The following CACNA2D3 variants were observed in gnomAD, a reference collection of about 807,000 sequenced individuals.
CACNA2D3 encodes calcium voltage-gated channel auxiliary subunit alpha2delta 3.
CACNA2D3 carries 60 observed loss-of-function variants against 160.6 expected under a neutral mutation model. The ratio of observed to expected loss-of-function variants is 0.37; its 90% CI spans 0.30 to 0.46. CACNA2D3 has a LOEUF of 0.46. Among genes scored for constraint, CACNA2D3 ranks in the 20% least tolerant of loss-of-function variants. CACNA2D3 has a pLI of 1.00. For missense variants in CACNA2D3, 1,205 were observed against 1,365.0 expected, an observed-to-expected ratio of 0.88 and a Z score of 1.85; for synonymous variants, 558 against 492.9, an observed-to-expected ratio of 1.13 and a Z score of -1.75.
chr3:54,476,560 CA>C (rs1317346748), intron 4 of CACNA2D3, among the ~76,000 whole-genome samples: 1 of 152,026 alleles, frequency 6.6e-6, no homozygotes, highest in African/African-American at 2.4e-5. Context: ...CCCTCCATGC[CA>C]ACACTTGTTA....
At chr3:55,063,315 C>T (rs547504673) in intron 35 of CACNA2D3, among the ~76,000 whole-genome samples, 1 of 151,780 alleles carries the variant, frequency 6.6e-6, no homozygotes, top group African/African-American at 2.4e-5. Flanking sequence ...TAAGCATACT[C>T]AGCTTAAGAA....
intron 4 of CACNA2D3, among the ~76,000 whole-genome samples, chr3:54,485,805 C>T (rs1701006938): frequency 6.6e-6 from 1 of 152,146 alleles, no homozygotes; most frequent in African/African-American, 2.4e-5. Context: ...CTCAATTGAT[C>T]CACCTGCCTT....
intron 2 of CACNA2D3, among the ~76,000 whole-genome samples, chr3:54,280,964 G>A (rs1359454888): frequency 3.3e-5 from 5 of 152,140 alleles, no homozygotes; most frequent in Admixed American, 3.3e-4. Context: ...TCCTTTATGA[G>A]GCTGTGAACT....
At chr3:54,972,765 T>A (rs1225719322) in intron 29 of CACNA2D3, among the ~76,000 whole-genome samples, 1 of 152,218 alleles carries the variant, frequency 6.6e-6, no homozygotes, top group Non-Finnish European at 1.5e-5. Flanking sequence ...AGTCAGAACC[T>A]GAGCCATGTG....
At chr3:54,385,880 G>A in intron 3 of CACNA2D3, 1 of 496,612 alleles carries the variant, frequency 2.0e-6, no homozygotes, top group South Asian at 1.5e-5. Flanking sequence ...CTAAGATTTT[G>A]CTTTTAGTTT....
chr3:54,730,730 T>A (rs1701368634), intron 11 of CACNA2D3, among the ~76,000 whole-genome samples: 1 of 152,142 alleles, frequency 6.6e-6, no homozygotes, highest in African/African-American at 2.4e-5. Flanking sequence ...CTCGAACTTC[T>A]GACCTCAGGT....
rs375311164 is a variant in CACNA2D3, at chr3:54,605,629, T to G, written c.964-22158T>G. 5.9e-5 allele frequency among the ~76,000 whole-genome samples: 9 copies of G among 152,272 alleles called. 1 individual carries two copies. The highest frequency in any genetic ancestry group is 2.2e-4 in the African/African-American group (9 of 41,556). On this transcript the variant is annotated intron_variant, in intron 9 of 37. Coordinates refer to ENST00000474759, the MANE Select transcript of CACNA2D3 (RefSeq NM_018398.3). Reference sequence around the variant, plus strand: ...TATTTTACCTTAAATATCTTTAAATTTATTTGGTGTCTCTCCCCATTATTG... The same window carrying G: ...TATTTTACCTTAAATATCTTTAAATGTATTTGGTGTCTCTCCCCATTATTG...
At chr3:54,721,534 G>A (rs1000395112) in intron 11 of CACNA2D3, among the ~76,000 whole-genome samples, 9 of 152,094 alleles carry the variant, frequency 5.9e-5, no homozygotes, top group African/African-American at 2.2e-4. Context: ...GCCAAGGCAG[G>A]TGGATCACCT....
At chr3:54,609,909 AG>A (rs1698714406) in intron 9 of CACNA2D3, among the ~76,000 whole-genome samples, 2 of 152,196 alleles carry the variant, frequency 1.3e-5, no homozygotes, top group Admixed American at 1.3e-4. Context: ...AAATAACAGA[AG>A]TATATTGTCT....
intron 17 of CACNA2D3, among the ~76,000 whole-genome samples, chr3:54,856,727 G>C (rs879693578): frequency 6.6e-6 from 1 of 152,218 alleles, no homozygotes; most frequent in Admixed American, 6.5e-5. Context: ...AGAGGTACCT[G>C]CCTTAGTTAG....
chr3:54,999,023 G>A (rs1281251082), intron 31 of CACNA2D3, among the ~76,000 whole-genome samples: 1 of 152,200 alleles, frequency 6.6e-6, no homozygotes, highest in Non-Finnish European at 1.5e-5. Context: ...TGGGATTACA[G>A]GCGTGAGCCA....
At chr3:54,473,678 A>C (rs913058957) in intron 4 of CACNA2D3, among the ~76,000 whole-genome samples, 1 of 152,236 alleles carries the variant, frequency 6.6e-6, no homozygotes, top group Non-Finnish European at 1.5e-5. Flanking sequence ...AACATAAACA[A>C]ATTTACAAGG....
At chr3:54,896,593 CA>C in intron 25 of CACNA2D3, 155 bp from the exon 26 acceptor site, 3 of 738,968 alleles carry the variant, frequency 4.1e-6, no homozygotes, top group Middle Eastern at 4.0e-4. Context: ...ATCTGGGGTG[CA>C]CAGTGTTAAG....
rs1699231057 is a variant in CACNA2D3, at chr3:54,631,208, AC to A, written c.1053+3333del. ...GACAGAGCGAGACTCCATCAAACAC[AC>A]ACACACACACACACACACACACACA... On this transcript the variant is annotated intron_variant, in intron 10 of 37. Transcript: ENST00000474759. Among the ~76,000 whole-genome samples, 7 of 146,138 alleles carry A rather than the reference AC, an allele frequency of 4.8e-5. No homozygotes were observed. In the South Asian group the frequency reaches 1.9e-3, roughly 40 times the overall value.
In CACNA2D3 at chr3:54,288,601, C is replaced by T. The variant is rs551868088; in HGVS notation, c.205-31841C>T. Among the ~76,000 whole-genome samples, 878 of 152,160 alleles carry T rather than the reference C, an allele frequency of 5.8e-3. 11 individuals are homozygous for T. Among genetic ancestry groups the T allele is most frequent in the African/African-American group, 0.018 (747 of 41,490 alleles). ...GCCAGCATCATCCTGATACCAAAGCCGGGCAGAGACACAACCAAAAAAGAG... is the reference window on the plus strand; with the variant it reads ...GCCAGCATCATCCTGATACCAAAGCTGGGCAGAGACACAACCAAAAAAGAG... On this transcript the variant is annotated intron_variant, in intron 2 of 37. Coordinates refer to ENST00000474759, the MANE Select transcript of CACNA2D3 (RefSeq NM_018398.3).
intron 20 of CACNA2D3, among the ~76,000 whole-genome samples, chr3:54,880,388 T>G (rs560827816): frequency 6.6e-6 from 1 of 152,338 alleles, no homozygotes; most frequent in South Asian, 2.1e-4. Flanking sequence ...TTTTTGCCCT[T>G]GAGCAGGGGT....
intron 4 of CACNA2D3, among the ~76,000 whole-genome samples, chr3:54,495,503 C>G (rs927829495): frequency 6.6e-6 from 1 of 152,170 alleles, no homozygotes; most frequent in African/African-American, 2.4e-5. Context: ...AATCCCAGCA[C>G]TTTGGGAGGC....
chr3:54,266,272 G>T (rs1297027626), intron 2 of CACNA2D3, among the ~76,000 whole-genome samples: 1 of 152,068 alleles, frequency 6.6e-6, no homozygotes, highest in Non-Finnish European at 1.5e-5. Flanking sequence ...ATTGGAGTTG[G>T]GTAATGTGCT....
intron 2 of CACNA2D3, among the ~76,000 whole-genome samples, chr3:54,259,364 G>T (rs537584382): frequency 6.6e-6 from 1 of 152,196 alleles, no homozygotes; most frequent in Non-Finnish European, 1.5e-5. Flanking sequence ...CACAGCAGGT[G>T]CAGCTCTGAT....
Sources: allele counts gnomAD v4.1 joint callset (sites outside exome capture counted in the v4.1 genomes callset), GRCh38; gene constraint gnomAD v4.1.1; transcripts MANE v1.5; gene names NCBI Gene and HGNC (gene_info 2026-07-23, HGNC 2026-07-21).